The following XRCC5 variants were observed in gnomAD, a reference collection of about 807,000 sequenced individuals.
XRCC5 encodes the protein X-ray repair cross complementing 5.
Under a neutral mutation model 95.7 loss-of-function variants are expected in XRCC5, and 12 were observed. The ratio of observed to expected loss-of-function variants is 0.13; its 90% CI spans 0.08 to 0.20. XRCC5 has a LOEUF of 0.20. Ranked by LOEUF, XRCC5 falls within the 10% of genes least tolerant of loss-of-function variation. The pLI, the probability that XRCC5 is intolerant of heterozygous loss-of-function variation, is 1.00. For synonymous variants in XRCC5, 281 were observed against 290.3 expected (o/e 0.97, Z 0.33); for missense variants, 595 against 873.9 (o/e 0.68, Z 4.02).
chr2:216,185,356 G>A (rs987239713), intron 16 of XRCC5, among the ~76,000 whole-genome samples: 2 of 152,180 alleles, frequency 1.3e-5, no homozygotes, highest in African/African-American at 2.4e-5. Flanking sequence ...ATAGTAAAGA[G>A]GCATAAAGAA....
At chr2:216,150,830 A>G (rs1688728207) in intron 14 of XRCC5, among the ~76,000 whole-genome samples, 1 of 152,176 alleles carries the variant, frequency 6.6e-6, no homozygotes, top group African/African-American at 2.4e-5. Context: ...CAGAGGTTGC[A>G]GTGAGCTGAG....
intron 16 of XRCC5, among the ~76,000 whole-genome samples, chr2:216,163,322 C>T (rs1228502592): frequency 6.6e-6 from 1 of 150,938 alleles, no homozygotes; most frequent in Non-Finnish European, 1.5e-5. Context: ...TTTTCTTTTT[C>T]TTTTTTTTGG....
intron 16 of XRCC5, among the ~76,000 whole-genome samples, chr2:216,189,099 A>G (rs1470503689): frequency 3.3e-5 from 5 of 152,228 alleles, no homozygotes; most frequent in Admixed American, 3.3e-4. Flanking sequence ...CATGTTTTTA[A>G]TAAGGAAGGC....
At position 216,122,209 on chromosome 2, in the gene XRCC5, A is replaced by G. The variant is rs772210332; in HGVS notation, c.639A>G (p.Ile213Met). ...TTGAGATAGTGAAAATGGTGATGAT[A>G]TCTTTAGAAGGTGAAGATGGGTTGG... ...EGLEIVKMVM[I>M]SLEGEDGLDE... The change falls in exon 6 of 21, where the codon ATA becomes ATG. Residue 213 changes from isoleucine to methionine, a missense_variant. By Grantham distance (10) the Ile-to-Met change is conservative. This residue lies in a region of XRCC5 where 286 missense variants were observed against 491.1 expected (regional missense o/e 0.58). Transcript: ENST00000392132. 6.2e-7 allele frequency: 1 copy of G among 1,613,662 alleles called. No homozygotes were observed. Among genetic ancestry groups the G allele is most frequent in the Non-Finnish European group, 8.5e-7 (1 of 1,179,888 alleles).
chr2:216,123,469 T>G (rs2106004853), intron 6 of XRCC5, among the ~76,000 whole-genome samples: 1 of 152,312 alleles, frequency 6.6e-6, no homozygotes, highest in East Asian at 1.9e-4. Flanking sequence ...TTTCAAATTT[T>G]GGAATAAATG....
chr2:216,183,428 A>C (rs1314103743), intron 16 of XRCC5, among the ~76,000 whole-genome samples: 3 of 152,226 alleles, frequency 2.0e-5, no homozygotes, highest in Non-Finnish European at 4.4e-5. Flanking sequence ...AAAATCATTA[A>C]GCATGAAAAA....
In XRCC5 at chr2:216,113,139, A is replaced by C. The variant is rs373315231; in HGVS notation, c.135+10A>C. ...GTTTGTACAGCGACAGGTAAGTTTC[A>C]GATTGACACTGAGCTTGTAACCCAT... On this transcript the variant is annotated intron_variant, in intron 2 of 20. Coordinates refer to ENST00000392132, the MANE Select transcript of XRCC5 (RefSeq NM_021141.4). 32 of 1,607,646 alleles carry C rather than the reference A, an allele frequency of 2.0e-5. No homozygotes were observed. The African/African-American group carries it at 3.9e-4, about 19-fold the overall frequency.
intron 14 of XRCC5, among the ~76,000 whole-genome samples, chr2:216,154,274 CT>C (rs1413546101): frequency 2.0e-5 from 3 of 152,186 alleles, no homozygotes; most frequent in Admixed American, 2.0e-4. Context: ...TTTCCCTTTA[CT>C]GTGTGCTTTA....
chr2:216,172,726 C>T (rs1051359271), intron 16 of XRCC5, among the ~76,000 whole-genome samples: 3 of 152,056 alleles, frequency 2.0e-5, no homozygotes, highest in Non-Finnish European at 4.4e-5. Context: ...GCCTTGGCCT[C>T]CAAGTTTTGG....
intron 19 of XRCC5, among the ~76,000 whole-genome samples, chr2:216,199,810 C>CT (rs375975027): frequency 0.022 from 2,594 of 120,116 alleles, 76 homozygotes; most frequent in African/African-American, 0.058. Flanking sequence ...GCATTGGGAT[C>CT]TTTTTTTTTT....
rs1018498613 is a variant in XRCC5, at chr2:216,134,415, T to C, written c.1113+2028T>C. Among the ~76,000 whole-genome samples the C allele has an allele frequency of 2.6e-5, 4 of 150,978 alleles. No homozygotes were observed. The East Asian group carries it at 5.8e-4, about 22-fold the overall frequency. On this transcript the variant is annotated intron_variant, in intron 10 of 20. Coordinates refer to ENST00000392132, the MANE Select transcript of XRCC5 (RefSeq NM_021141.4). ...AGTCATTCACAGCCCCATCCTTCCT[T>C]CTTGTTTTTTTTTTTGTTTTTTTTT...
At chr2:216,169,162 C>T (rs1201536285) in intron 16 of XRCC5, among the ~76,000 whole-genome samples, 1 of 152,202 alleles carries the variant, frequency 6.6e-6, no homozygotes, top group Non-Finnish European at 1.5e-5. Flanking sequence ...TTATTGCTGA[C>T]CTGATTGACT....
chr2:216,129,373 T>C (rs1228639263), intron 8 of XRCC5, among the ~76,000 whole-genome samples: 1 of 152,214 alleles, frequency 6.6e-6, no homozygotes, highest in Non-Finnish European at 1.5e-5. Context: ...AGTATACACA[T>C]GTGGGCAAAG....
intron 7 of XRCC5, 39 bp downstream of exon 7, chr2:216,126,070 A>G: frequency 6.6e-7 from 1 of 1,517,320 alleles, no homozygotes; most frequent in Non-Finnish European, 9.1e-7. Flanking sequence ...AAATGTTACC[A>G]GGCAGATAAA....
At chr2:216,197,208 A>G (rs1192145055) in intron 19 of XRCC5, among the ~76,000 whole-genome samples, 1 of 152,206 alleles carries the variant, frequency 6.6e-6, no homozygotes, top group African/African-American at 2.4e-5. Flanking sequence ...CACTGAGCCT[A>G]AGCATGAGGA....
chr2:216,200,878 T>A lies in XRCC5; in HGVS notation c.2110-3444T>A, dbSNP rs1689822743. Among the ~76,000 whole-genome samples, 2 of 152,346 alleles carry A rather than the reference T, an allele frequency of 1.3e-5. 1 individual carries two copies. Among genetic ancestry groups the A allele is most frequent in the South Asian group, 4.1e-4 (2 of 4,830 alleles). ...CTCCTAATGATGGACATTTGCTTGT[T>A]TGTCCTTTGGCAGTTATGAATAAAG... On this transcript the variant is annotated intron_variant, in intron 19 of 20. Transcript: ENST00000392132.
chr2:216,176,268 G>A (rs866025430), intron 16 of XRCC5, among the ~76,000 whole-genome samples: 2 of 152,120 alleles, frequency 1.3e-5, no homozygotes, highest in East Asian at 1.9e-4. Flanking sequence ...ACAGGCGCCC[G>A]CCACCACACC....
chr2:216,160,543 T>C (rs1688933247), intron 15 of XRCC5, among the ~76,000 whole-genome samples: 1 of 152,182 alleles, frequency 6.6e-6, no homozygotes, highest in African/African-American at 2.4e-5. Flanking sequence ...ATAACTTTCC[T>C]ATTTTCTAAC....
chr2:216,204,006 C>A, intron 19 of XRCC5: 1 of 285,492 alleles, frequency 3.5e-6, no homozygotes, highest in Non-Finnish European at 6.8e-6. Context: ...GGAAGCAGAA[C>A]TGGAAACAGC....
Sources: gnomAD v4.1 joint callset for allele counts (sites outside exome capture counted in the v4.1 genomes callset) on GRCh38, gnomAD v4.1.1 for gene constraint, gnomAD v4.1.1 regional missense constraint, MANE v1.5 for transcripts, NCBI Gene and HGNC (gene_info 2026-07-23, HGNC 2026-07-21) for gene names.